The following BICD1 variants were observed in gnomAD, a reference collection of about 807,000 sequenced individuals.
BICD1 encodes the protein protein bicaudal D homolog 1.
In BICD1, 35 loss-of-function variants were observed where a neutral mutation model predicts 92.5. That is an observed-to-expected ratio of 0.38 (90% confidence interval 0.29 to 0.50). The LOEUF (loss-of-function observed/expected upper bound fraction) is 0.50, where lower values mean the gene tolerates loss of function less well. Among genes scored for constraint, BICD1 ranks in the 20% least tolerant of loss-of-function variants. BICD1 has a pLI of 0.93. For synonymous variants in BICD1, 429 were observed against 465.1 expected (o/e 0.92, Z 1.00); for missense variants, 950 against 1,189.8 (o/e 0.80, Z 2.97).
chr12:32,295,619 GA>G (rs1477424503), intron 3 of BICD1, among the ~76,000 whole-genome samples: 1 of 150,632 alleles, frequency 6.6e-6, no homozygotes, highest in East Asian at 1.9e-4. Context: ...ATCCAGAAGA[GA>G]AAAATCCATG....
intron 2 of BICD1, among the ~76,000 whole-genome samples, chr12:32,284,601 T>C (rs1226499240): frequency 6.6e-6 from 1 of 152,220 alleles, no homozygotes; most frequent in African/African-American, 2.4e-5. Context: ...CCTTTCTTGC[T>C]AAAGTCCACC....
intron 1 of BICD1, among the ~76,000 whole-genome samples, chr12:32,111,370 G>A (rs184300643): frequency 3.9e-4 from 59 of 152,298 alleles, no homozygotes; most frequent in African/African-American, 1.3e-3. Context: ...TTGGTGACCT[G>A]ATGAATGCCA....
intron 8 of BICD1, among the ~76,000 whole-genome samples, chr12:32,367,134 A>G (rs1939553288): frequency 6.6e-6 from 1 of 152,208 alleles, no homozygotes; most frequent in Non-Finnish European, 1.5e-5. Flanking sequence ...CAATTTTCAG[A>G]AAACTGTAAA....
chr12:32,355,041 T>G (rs1237242227), intron 8 of BICD1, among the ~76,000 whole-genome samples: 1 of 152,218 alleles, frequency 6.6e-6, no homozygotes, highest in African/African-American at 2.4e-5. Context: ...TTAATCATTT[T>G]GTAGATTTAG....
chr12:32,336,637 C>A (rs538527961), intron 6 of BICD1, among the ~76,000 whole-genome samples: 2 of 152,248 alleles, frequency 1.3e-5, no homozygotes, highest in African/African-American at 4.8e-5. Flanking sequence ...ATACTATAGG[C>A]ATAGCCTATA....
chr12:32,203,585 C>T (rs547196535), intron 1 of BICD1, among the ~76,000 whole-genome samples: 96 of 152,230 alleles, frequency 6.3e-4, no homozygotes, highest in African/African-American at 2.1e-3. Flanking sequence ...CATCTGAACC[C>T]CCGGCCCATT....
At chr12:32,316,634 A>T (rs1948509414) in intron 4 of BICD1, among the ~76,000 whole-genome samples, 1 of 151,924 alleles carries the variant, frequency 6.6e-6, no homozygotes, top group South Asian at 2.1e-4. Context: ...CAATGGTTTT[A>T]TTGAGATGTA....
At chr12:32,112,687 G>C (rs2121147524) in intron 1 of BICD1, among the ~76,000 whole-genome samples, 1 of 152,274 alleles carries the variant, frequency 6.6e-6, no homozygotes, top group Middle Eastern at 3.4e-3. Flanking sequence ...TGCACGTAAA[G>C]TCAAGTGGCA....
At chr12:32,155,934 C>G (rs1943421975) in intron 1 of BICD1, among the ~76,000 whole-genome samples, 1 of 152,188 alleles carries the variant, frequency 6.6e-6, no homozygotes, top group African/African-American at 2.4e-5. Context: ...ACATATCTAG[C>G]AATTCTGCAG....
At chr12:32,211,412 A>T (rs1238305870) in intron 1 of BICD1, among the ~76,000 whole-genome samples, 1 of 152,162 alleles carries the variant, frequency 6.6e-6, no homozygotes, top group Non-Finnish European at 1.5e-5. Flanking sequence ...TCAATTCTTG[A>T]TTCTTTTTTG....
chr12:32,205,872 G>A (rs764374935), intron 1 of BICD1, among the ~76,000 whole-genome samples: 6 of 151,018 alleles, frequency 4.0e-5, no homozygotes, highest in African/African-American at 1.2e-4. Context: ...TCCTGTCCCC[G>A]CCCCAGTGCA....
chr12:32,142,467 T>C (rs28513650), intron 1 of BICD1, among the ~76,000 whole-genome samples: 1 of 72,942 alleles, frequency 1.4e-5, no homozygotes, highest in South Asian at 4.7e-4. Flanking sequence ...TCTATCTATC[T>C]ATCTATCTAT....
At chr12:32,207,646 C>T (rs980098502) in intron 1 of BICD1, among the ~76,000 whole-genome samples, 10 of 151,886 alleles carry the variant, frequency 6.6e-5, no homozygotes, top group Admixed American at 2.6e-4. Flanking sequence ...AATGGACGGA[C>T]TTTATAATTG....
At chr12:32,246,029 CAAAAAAAAAAAAAAAA>C (rs71068311) in intron 2 of BICD1, among the ~76,000 whole-genome samples, 1 of 44,094 alleles carries the variant, frequency 2.3e-5, no homozygotes, top group African/African-American at 9.8e-5. Flanking sequence ...TACTCTGTCT[CAAAAAAAAAAAAAAAA>C]AAAAAAAAAG....
intron 2 of BICD1, among the ~76,000 whole-genome samples, chr12:32,259,623 A>G (rs1946805220): frequency 6.7e-6 from 1 of 150,182 alleles, no homozygotes; most frequent in Non-Finnish European, 1.5e-5. Flanking sequence ...GAGAAAGGAG[A>G]GATGGCAACA....
At chr12:32,283,029 A>G (rs1312728946) in intron 2 of BICD1, among the ~76,000 whole-genome samples, 5 of 152,208 alleles carry the variant, frequency 3.3e-5, no homozygotes, top group Non-Finnish European at 7.3e-5. Context: ...CTGCAGTAGA[A>G]TGGAAGCAAC....
chr12:32,278,800 G>A (rs1226055760), intron 2 of BICD1, among the ~76,000 whole-genome samples: 1 of 152,228 alleles, frequency 6.6e-6, no homozygotes, highest in East Asian at 1.9e-4. Flanking sequence ...AGCTTGCAGT[G>A]AGCCGAGATT....
At chr12:32,107,587 C>G in intron 1 of BICD1, 43 bp downstream of exon 1, 2 of 1,538,246 alleles carry the variant, frequency 1.3e-6, no homozygotes, top group East Asian at 2.4e-5. Flanking sequence ...CCTCACTCCC[C>G]CCACCCGCAA....
At chr12:32,219,163 G>T (rs78040545) in intron 2 of BICD1, among the ~76,000 whole-genome samples, 1,543 of 152,276 alleles carry the variant, frequency 0.01, 32 homozygotes, top group African/African-American at 0.035. Context: ...TGATCAGTTT[G>T]ACAGATGCTG....
Sources: allele counts gnomAD v4.1 joint callset (sites outside exome capture counted in the v4.1 genomes callset), GRCh38; gene constraint gnomAD v4.1.1; transcripts MANE v1.5; gene names NCBI Gene and HGNC (gene_info 2026-07-23, HGNC 2026-07-21).